Variants in CYRIB observed in about 807,000 individuals in gnomAD.
CYRIB encodes the protein CYFIP related Rac1 interactor B, also known as CYFIP-related Rac1 interactor B.
In CYRIB, 8 loss-of-function variants were observed where a neutral mutation model predicts 44.2. The ratio of observed to expected loss-of-function variants is 0.18; its 90% CI spans 0.11 to 0.33. The LOEUF (loss-of-function observed/expected upper bound fraction) is 0.33, where lower values mean the gene tolerates loss of function less well. Ranked by LOEUF, CYRIB falls within the 10% of genes least tolerant of loss-of-function variation. The probability of loss-of-function intolerance (pLI) is 1.00; values close to 1 mark genes in which losing one functional copy is unlikely to be tolerated. For synonymous variants in CYRIB, 131 were observed against 127.2 expected (o/e 1.03, Z -0.20); for missense variants, 185 against 382.8 (o/e 0.48, Z 4.31).
chr8:129,858,269 TA>T (rs1279117919), intron 5 of CYRIB, among the ~76,000 whole-genome samples: 1 of 152,214 alleles, frequency 6.6e-6, no homozygotes, highest in East Asian at 1.9e-4. Flanking sequence ...ATGAAGCTCC[TA>T]AAACAAAACC....
intron 1 of CYRIB, among the ~76,000 whole-genome samples, chr8:129,933,193 T>G (rs757969185): frequency 6.6e-6 from 1 of 152,118 alleles, no homozygotes; most frequent in East Asian, 1.9e-4. Flanking sequence ...AAAGTGAATA[T>G]AAAGCCTTGA....
intron 1 of CYRIB, among the ~76,000 whole-genome samples, chr8:129,909,430 T>G: frequency 6.6e-6 from 1 of 152,344 alleles, no homozygotes; most frequent in Middle Eastern, 3.4e-3. Context: ...TATATTTTTA[T>G]ACAATTTAAC....
chr8:129,981,841 C>T (rs548180958), intron 1 of CYRIB, among the ~76,000 whole-genome samples: 6 of 152,322 alleles, frequency 3.9e-5, no homozygotes, highest in Non-Finnish European at 7.4e-5. Flanking sequence ...TTCAGGGAGC[C>T]TGCTGTCCAG....
At chr8:129,885,887 C>G (rs2062568480) in intron 2 of CYRIB, among the ~76,000 whole-genome samples, 1 of 152,132 alleles carries the variant, frequency 6.6e-6, no homozygotes, top group Non-Finnish European at 1.5e-5. Context: ...ACAACCCATC[C>G]TCCATTCTCA....
At chr8:129,983,280 C>A (rs998401172) in intron 1 of CYRIB, among the ~76,000 whole-genome samples, 5 of 152,088 alleles carry the variant, frequency 3.3e-5, no homozygotes, top group Admixed American at 3.3e-4. Context: ...CCCGTCTCTA[C>A]TAAAAATACA....
chr8:129,924,060 T>G (rs2085645165), intron 1 of CYRIB, among the ~76,000 whole-genome samples: 1 of 142,562 alleles, frequency 7.0e-6, no homozygotes, highest in Admixed American at 7.2e-5. Flanking sequence ...TGCCTGAGCC[T>G]AGAAATTTGA....
intron 2 of CYRIB, among the ~76,000 whole-genome samples, chr8:129,890,055 C>T (rs943372799): frequency 1.3e-5 from 2 of 151,858 alleles, no homozygotes; most frequent in Non-Finnish European, 2.9e-5. Flanking sequence ...ATTACAGGCG[C>T]GAGCCATTAC....
intron 1 of CYRIB, among the ~76,000 whole-genome samples, chr8:129,989,725 A>G (rs967845606): frequency 6.7e-6 from 1 of 149,448 alleles, no homozygotes; most frequent in African/African-American, 2.5e-5. Context: ...TACATGTGCC[A>G]TGTTGGTGTG....
intron 1 of CYRIB, among the ~76,000 whole-genome samples, chr8:129,915,948 TAG>T (rs930364348): frequency 1.1e-4 from 17 of 152,182 alleles, no homozygotes; most frequent in African/African-American, 4.1e-4. Flanking sequence ...ATCTGATATA[TAG>T]GTGATCTCTG....
chr8:129,940,348 C>A (rs1391183300), upstream of CYRIB, among the ~76,000 whole-genome samples: 1 of 152,240 alleles, frequency 6.6e-6, no homozygotes, highest in Non-Finnish European at 1.5e-5. Flanking sequence ...GTGTTCCTGG[C>A]AGGCGCCCAG....
intron 1 of CYRIB, among the ~76,000 whole-genome samples, chr8:129,984,013 G>A (rs1288535247): frequency 6.6e-6 from 1 of 152,244 alleles, no homozygotes; most frequent in Non-Finnish European, 1.5e-5. Context: ...CGGAGATCAG[G>A]GTTTACAGAC....
chr8:129,898,978 C>G (rs1384831689), intron 2 of CYRIB, among the ~76,000 whole-genome samples: 1 of 152,064 alleles, frequency 6.6e-6, no homozygotes, highest in Non-Finnish European at 1.5e-5. Context: ...ATTCTCGTGC[C>G]TCACCCTCCC....
At chr8:129,921,430 A>AAAACTTTAGTTTTT (rs1463822733) in intron 1 of CYRIB, among the ~76,000 whole-genome samples, 1 of 152,214 alleles carries the variant, frequency 6.6e-6, no homozygotes, top group Non-Finnish European at 1.5e-5. Flanking sequence ...GTTTTGGGCA[A>AAAACTTTAGTTTTT]CCAGATATTC....
At chr8:129,876,765 C>G (rs1174751563) in intron 3 of CYRIB, among the ~76,000 whole-genome samples, 2 of 151,936 alleles carry the variant, frequency 1.3e-5, no homozygotes, top group African/African-American at 4.8e-5. Context: ...CATATTGGGT[C>G]ACCCAACTGC....
chr8:129,933,735 A>G (rs775124568), intron 1 of CYRIB, among the ~76,000 whole-genome samples: 3 of 152,044 alleles, frequency 2.0e-5, no homozygotes, highest in Non-Finnish European at 2.9e-5. Flanking sequence ...TTAGCTGGGC[A>G]TGGTGGCACG....
Position 129,846,989 on chromosome 8 carries a change from T to C in CYRIB, c.841-115A>G, listed in dbSNP as rs766761601. On this transcript the variant is annotated intron_variant, in intron 10 of 11. Coordinates refer to ENST00000519824, the Ensembl canonical transcript of CYRIB. Reference sequence around the variant, plus strand: ...CTATGGAACTCAAGAGATTACATACTATGTCAAATTAATTATTCTTAGAAC... The same window carrying C: ...CTATGGAACTCAAGAGATTACATACCATGTCAAATTAATTATTCTTAGAAC... 7.0e-6 allele frequency: 4 copies of C among 575,434 alleles called. No homozygotes were observed. In the Admixed American group the frequency reaches 1.5e-4, roughly 22 times the overall value. 35.6% of individuals were successfully genotyped at this position (575,434 alleles called of 1,614,324 possible).
At chr8:129,869,362 CAA>C (rs2055847944) in intron 4 of CYRIB, among the ~76,000 whole-genome samples, 1 of 74,358 alleles carries the variant, frequency 1.3e-5, no homozygotes, top group Non-Finnish European at 2.5e-5. Flanking sequence ...GCCTGGGTGA[CAA>C]GAGTAAAACT....
intron 1 of CYRIB, among the ~76,000 whole-genome samples, chr8:129,987,431 C>A (rs1370705319): frequency 6.6e-6 from 1 of 152,088 alleles, no homozygotes; most frequent in African/African-American, 2.4e-5. Context: ...GTTGATGGCA[C>A]CTGGGAGGCT....
intron 1 of CYRIB, among the ~76,000 whole-genome samples, chr8:129,988,153 C>T (rs1252548923): frequency 6.6e-6 from 1 of 152,218 alleles, no homozygotes; most frequent in Non-Finnish European, 1.5e-5. Flanking sequence ...TCTCCTGTAA[C>T]AGGAAGTCTC....
Sources: allele counts gnomAD v4.1 joint callset (sites outside exome capture counted in the v4.1 genomes callset), GRCh38; gene constraint gnomAD v4.1.1; transcripts MANE v1.5; gene names NCBI Gene and HGNC (gene_info 2026-07-23, HGNC 2026-07-21).